HNRNPUL2: variants seen among roughly 807,000 people sequenced by gnomAD.
HNRNPUL2 encodes heterogeneous nuclear ribonucleoprotein U like 2, also known as heterogeneous nuclear ribonucleoprotein U-like protein 2.
HNRNPUL2 carries 27 observed loss-of-function variants against 102.2 expected under a neutral mutation model. The ratio of observed to expected loss-of-function variants is 0.26; its 90% confidence interval spans 0.19 to 0.36. The LOEUF is 0.36. HNRNPUL2 is among the 10% of genes least tolerant of loss of function. HNRNPUL2 has a pLI of 1.00. For synonymous variants in HNRNPUL2, 458 were observed against 387.2 expected (o/e 1.18, Z -2.15); for missense variants, 936 against 981.1 (o/e 0.95, Z 0.61).
Position 62,715,239 on chromosome 11 carries a change from G to A in HNRNPUL2, c.*60C>T. 1 of 1,397,478 alleles carries A rather than the reference G, an allele frequency of 7.2e-7. No homozygotes were observed. The highest frequency in any genetic ancestry group is 1.0e-6 in the Non-Finnish European group (1 of 1,001,638). The allele number at this position is 1,397,478 out of a possible 1,614,324, so 86.6% of individuals were successfully genotyped here. On this transcript the variant is annotated 3_prime_UTR_variant, in exon 14 of 14. Coordinates refer to ENST00000301785, the MANE Select transcript of HNRNPUL2 (RefSeq NM_001079559.3). ...TGTTTTCCTTGGTTGTGTTTTGCGG[G>A]GGTGCCTGGCACCCCCAGAGATTCA... is the stretch of plus-strand genomic sequence containing the variant.
At chr11:62,716,542 T>A (rs2083661567) in intron 11 of HNRNPUL2, among the ~76,000 whole-genome samples, 1 of 152,212 alleles carries the variant, frequency 6.6e-6, no homozygotes, top group African/African-American at 2.4e-5. Flanking sequence ...TTGGTTAAGT[T>A]CTTCCCCCCA....
rs1252037866 is a variant in HNRNPUL2 at position 62,727,258 on chromosome 11, C to A, written c.-102G>T. 4 of 1,236,800 alleles carry A rather than the reference C, an allele frequency of 3.2e-6. No individual in the cohort carries two copies. Among genetic ancestry groups the A allele is most frequent in the Non-Finnish European group, 4.0e-6 (4 of 990,348 alleles). The allele number at this position is 1,236,800 out of a possible 1,614,324, so 76.6% of individuals were successfully genotyped here. ...GCCGCCGCCGCCCGCCTCCGCCTCA[C>A]GCGCCAGCACTGAGCCCGCGCGAGC... On this transcript the variant is annotated 5_prime_UTR_variant, in exon 1 of 14. Transcript: ENST00000301785.
intron 8 of HNRNPUL2, 47 bp downstream of exon 8, chr11:62,721,773 A>G (rs776601366): frequency 2.5e-6 from 4 of 1,598,962 alleles, no homozygotes; most frequent in African/African-American, 2.7e-5. Flanking sequence ...GATAGGTTAT[A>G]AGAGTCTCCA....
rs1406397336 is a variant in HNRNPUL2 at position 62,724,926 on chromosome 11, T to C, written c.539-500A>G. On this transcript the variant is annotated intron_variant, in intron 1 of 13. Coordinates refer to ENST00000301785, the MANE Select transcript of HNRNPUL2 (RefSeq NM_001079559.3). Reference sequence around the variant, plus strand: ...CTGAAATACACAGCCATCCATGGCTTTATTCATGTGGCAAATGGACTCAAG... The same window carrying C: ...CTGAAATACACAGCCATCCATGGCTCTATTCATGTGGCAAATGGACTCAAG... Among the ~76,000 whole-genome samples the C allele has an allele frequency of 2.0e-5, 3 of 152,276 alleles. No individual in the cohort carries two copies. In the East Asian group the frequency reaches 5.8e-4, roughly 29 times the overall value.
At chr11:62,718,690 T>C (rs1039571513) in intron 10 of HNRNPUL2, among the ~76,000 whole-genome samples, 13 of 86,306 alleles carry the variant, frequency 1.5e-4, no homozygotes, top group African/African-American at 4.9e-4. Context: ...CAAGACTCTG[T>C]CTTTAAAAAA....
In HNRNPUL2 at chr11:62,722,181, T is replaced by C. The variant is rs775945649; in HGVS notation, c.1295A>G (p.His432Arg). The change falls in exon 7 of 14, where the codon CAT (histidine) becomes CGT (arginine). Residue 432 changes from histidine to arginine, a missense_variant. Physicochemically the swap from His to Arg is conservative, Grantham distance 29 (BLOSUM62 0). This residue lies in a region of HNRNPUL2 where 609 missense variants were observed against 713.0 expected (regional missense o/e 0.85). Coordinates refer to ENST00000301785, the MANE Select transcript of HNRNPUL2 (RefSeq NM_001079559.3). ...TACACGCTCCTCAACAGGCACAGCA[T>C]GAATGAACACAAACTCTTCTGGTGG... ...FPPPEEFVFI[H>R]AVPVEERVRT... is the part of the protein sequence containing the mutation. The C allele has an allele frequency of 2.4e-5, 38 of 1,614,052 alleles. No homozygotes were observed. The highest frequency in any genetic ancestry group is 3.3e-4 in the Middle Eastern group (2 of 6,084).
rs2083636788 is a variant in HNRNPUL2 at position 62,713,755 on chromosome 11, G to C, written c.*1544C>G. The stretch of plus-strand genomic sequence containing the variant: ...GGAAATGGAAGTGAAGCATTTTCTA[G>C]TGGCACAGATTTTCTCACTAGGAAC... On this transcript the variant is annotated 3_prime_UTR_variant, in exon 14 of 14. Transcript: ENST00000301785. The C allele has an allele frequency of 6.6e-6, 1 of 152,264 alleles. No homozygotes were observed. The highest frequency in any genetic ancestry group is 1.5e-5 in the Non-Finnish European group (1 of 68,066). The allele number at this position is 152,264 out of a possible 1,614,324, so 9.4% of individuals were successfully genotyped here.
rs551998106 is a variant in HNRNPUL2 at position 62,715,177 on chromosome 11, C to T, written c.*122G>A. 3.8e-4 allele frequency: 55 copies of T among 145,478 alleles called. 1 individual carries two copies. In the South Asian group the frequency reaches 0.011, roughly 30 times the overall value. 9.0% of individuals were successfully genotyped at this position (145,478 alleles called of 1,614,324 possible). Reference sequence around the variant, plus strand: ...GCTTGAGCACCCTCCCCCCCCACCACCCCTCCCCGGCAGCTCAGCCCCACC... The same window carrying T: ...GCTTGAGCACCCTCCCCCCCCACCATCCCTCCCCGGCAGCTCAGCCCCACC... On this transcript the variant is annotated 3_prime_UTR_variant, in exon 14 of 14. Transcript: ENST00000301785.
rs78465649 is a variant in HNRNPUL2, at chr11:62,717,051, G to A, written c.1919C>T (p.Thr640Ile). 1.2e-6 allele frequency: 2 copies of A among 1,613,942 alleles called. No homozygotes were observed. Among genetic ancestry groups the A allele is most frequent in the South Asian group, 1.1e-5 (1 of 91,074 alleles). Reference sequence around the variant, plus strand: ...CTTGTTTCGGTTGTTTCGGCGATTTGTCCGCTTCTCGGAGGGGGGCAGAAG... The same window carrying A: ...CTTGTTTCGGTTGTTTCGGCGATTTATCCGCTTCTCGGAGGGGGGCAGAAG... ...RKLLPPSEKR[T>I]NRRNNRNKRN... The change falls in exon 11 of 14, where the codon ACA becomes ATA. Residue 640 changes from threonine (T) to isoleucine (I), a missense_variant. Coordinates refer to ENST00000301785, the MANE Select transcript of HNRNPUL2 (RefSeq NM_001079559.3).
intron 1 of HNRNPUL2, among the ~76,000 whole-genome samples, chr11:62,725,526 C>T (rs987613667): frequency 1.3e-5 from 2 of 152,194 alleles, no homozygotes; most frequent in Admixed American, 6.5e-5. Flanking sequence ...TTTATCTGCT[C>T]TTTGGGATAT....
chr11:62,715,660 AC>A, intron 12 of HNRNPUL2, 53 bp from the exon 13 acceptor site: 1 of 1,275,800 alleles, frequency 7.8e-7, no homozygotes. Context: ...TGGCAGCATG[AC>A]CCACCGTGAC....
Position 62,717,009 on chromosome 11 carries a change from C to T in HNRNPUL2, c.1961G>A (p.Arg654Gln), listed in dbSNP as rs770620176. 3 of 1,613,206 alleles carry T rather than the reference C, an allele frequency of 1.9e-6. No individual in the cohort carries two copies. Among genetic ancestry groups the T allele is most frequent in the Non-Finnish European group, 2.5e-6 (3 of 1,179,996 alleles). Reference sequence around the variant, plus strand: ...CTCACCATAGCCTTGGCCCCGGCTTCGGTTCTGCCGGTTACGCTTGTTTCG... The same window carrying T: ...CTCACCATAGCCTTGGCCCCGGCTTTGGTTCTGCCGGTTACGCTTGTTTCG... ...NNRNKRNRQN[R>Q]SRGQGYVGGQ... is the part of the protein sequence containing the mutation. Residue 654 changes from arginine (R) to glutamine (Q), a missense_variant, in exon 11 of 14, where the codon CGA (arginine) becomes CAA (glutamine). Coordinates refer to ENST00000301785, the MANE Select transcript of HNRNPUL2 (RefSeq NM_001079559.3).
At chr11:62,723,008 T>A in intron 4 of HNRNPUL2, 105 bp from the exon 5 acceptor site, 1 of 761,782 alleles carries the variant, frequency 1.3e-6, no homozygotes, top group Non-Finnish European at 2.2e-6. Context: ...GACATTTACC[T>A]CAACTCAACA....
At position 62,726,917 on chromosome 11, in the gene HNRNPUL2, CTCT is replaced by C. The variant is rs2083756762; in HGVS notation, c.237_239del (p.Glu84del). ...GCGCCTCCTCGTCCTCCTCCTCCTC[CTCT>C]TCGTCCTCCTCCTCGTCCCCGCCCG... On this transcript the variant is annotated inframe_deletion, in exon 1 of 14. Coordinates refer to ENST00000301785, the MANE Select transcript of HNRNPUL2 (RefSeq NM_001079559.3). 6.5e-7 allele frequency: 1 copy of C among 1,532,568 alleles called. No individual in the cohort carries two copies. Among genetic ancestry groups the C allele is most frequent in the Non-Finnish European group, 8.7e-7 (1 of 1,149,674 alleles). 94.9% of individuals were successfully genotyped at this position (1,532,568 alleles called of 1,614,324 possible).
At position 62,713,319 on chromosome 11, in the gene HNRNPUL2, T is replaced by C. The variant is rs1441454195; in HGVS notation, c.*1980A>G. ...GGAAATTCAATTTTCTATTATAACA[T>C]AATCTTGCCCTAAGGGAATTTCTTT... On this transcript the variant is annotated 3_prime_UTR_variant, in exon 14 of 14. Transcript: ENST00000301785. 9.9e-5 allele frequency: 15 copies of C among 152,230 alleles called. No individual in the cohort carries two copies. Among genetic ancestry groups the C allele is most frequent in the Admixed American group, 8.5e-4 (13 of 15,282 alleles). The allele number at this position is 152,230 out of a possible 1,614,324, so 9.4% of individuals were successfully genotyped here. A position where few individuals can be genotyped will look rare whatever the true frequency, so the allele number is the denominator to read the frequency against.
In HNRNPUL2 at chr11:62,721,182, C is replaced by T. The variant is rs969609013; in HGVS notation, c.1611+113G>A. 1.1e-5 allele frequency: 11 copies of T among 1,001,584 alleles called. No individual in the cohort carries two copies. In the Admixed American group the frequency reaches 2.7e-4, roughly 25 times the overall value. The allele number at this position is 1,001,584 out of a possible 1,614,324, so 62.0% of individuals were successfully genotyped here. A position where few individuals can be genotyped will look rare whatever the true frequency, so the allele number is the denominator to read the frequency against. ...CTCTGAGTTCAAAAAACATTGCAAC[C>T]ATAACACACAACCAGATGGTCATAA... On this transcript the variant is annotated intron_variant, in intron 9 of 13. Coordinates refer to ENST00000301785, the MANE Select transcript of HNRNPUL2 (RefSeq NM_001079559.3).
chr11:62,717,258 C>G, intron 10 of HNRNPUL2, 69 bp from the exon 11 acceptor site: 2 of 1,213,808 alleles, frequency 1.6e-6, no homozygotes, highest in South Asian at 1.3e-5. Flanking sequence ...ATTATGAAAA[C>G]TCTACAAGAA....
At chr11:62,719,570 T>G (rs528255941) in intron 10 of HNRNPUL2, among the ~76,000 whole-genome samples, 1 of 152,254 alleles carries the variant, frequency 6.6e-6, no homozygotes, top group Non-Finnish European at 1.5e-5. Context: ...ACATTTTAGA[T>G]GTAGAGTGTC....
At chr11:62,715,745 A>G in intron 12 of HNRNPUL2, 119 bp downstream of exon 12, 5 of 1,151,872 alleles carry the variant, frequency 4.3e-6, no homozygotes, top group Non-Finnish European at 6.5e-6. Flanking sequence ...ATCTTCCAGA[A>G]CATATTAAAT....
Sources: allele counts gnomAD v4.1 joint callset (sites outside exome capture counted in the v4.1 genomes callset), GRCh38; gene constraint gnomAD v4.1.1; regional missense constraint gnomAD v4.1.1; transcripts MANE v1.5; gene names NCBI Gene and HGNC (gene_info 2026-07-23, HGNC 2026-07-21).